The following CDC42SE2 variants were observed in gnomAD, a reference collection of about 807,000 sequenced individuals.
CDC42SE2 encodes the protein CDC42 small effector protein 2.
In CDC42SE2, 3 loss-of-function variants were observed where a neutral mutation model predicts 11.5. The observed-to-expected ratio is 0.26, with a 90% confidence interval of 0.12 to 0.67. The LOEUF (loss-of-function observed/expected upper bound fraction) is 0.67, where lower values mean the gene tolerates loss of function less well. Ranked by LOEUF, CDC42SE2 falls within the 30% of genes least tolerant of loss-of-function variation. CDC42SE2 has a pLI of 0.80. For synonymous variants in CDC42SE2, 33 were observed against 34.8 expected, an observed-to-expected ratio of 0.95 and a Z score of 0.18; for missense variants, 82 against 106.8, an observed-to-expected ratio of 0.77 and a Z score of 1.02.
the CDC42SE2 span, among the ~76,000 whole-genome samples, chr5:131,228,761 A>T: frequency 6.6e-6 from 1 of 152,114 alleles, no homozygotes; most frequent in Non-Finnish European, 1.5e-5. Context: ...GACCATAAGG[A>T]TGGGTTTATA....
chr5:131,308,157 A>G (rs1757819345), intron 1 of CDC42SE2, among the ~76,000 whole-genome samples: 1 of 152,162 alleles, frequency 6.6e-6, no homozygotes, highest in Non-Finnish European at 1.5e-5. Context: ...TCAGCTTTCT[A>G]CATAAGGCTA....
intron 1 of CDC42SE2, among the ~76,000 whole-genome samples, chr5:131,283,446 T>G (rs954082492): frequency 1.4e-4 from 21 of 152,232 alleles, no homozygotes; most frequent in African/African-American, 5.1e-4. Context: ...TTTTTTCATT[T>G]AGCATAATGT....
At chr5:131,260,656 G>A (rs1756716766), upstream of CDC42SE2, among the ~76,000 whole-genome samples, 1 of 147,374 alleles carries the variant, frequency 6.8e-6, no homozygotes, top group Non-Finnish European at 1.5e-5. Flanking sequence ...TTAATAGGCC[G>A]AGTGCAGTGG....
At chr5:131,275,165 G>GT (rs368655636) in intron 1 of CDC42SE2, among the ~76,000 whole-genome samples, 85 of 152,198 alleles carry the variant, frequency 5.6e-4, no homozygotes, top group African/African-American at 1.9e-3. Context: ...ACCTGATTTG[G>GT]TAGTAGGGTG....
At chr5:131,379,163 T>C (rs923960777) in intron 3 of CDC42SE2, among the ~76,000 whole-genome samples, 7 of 152,268 alleles carry the variant, frequency 4.6e-5, no homozygotes, top group Non-Finnish European at 7.3e-5. Flanking sequence ...GCATAAATGA[T>C]TGCTATTTTA....
At chr5:131,243,451 T>C (rs1358892099), upstream of CDC42SE2, among the ~76,000 whole-genome samples, 2 of 152,084 alleles carry the variant, frequency 1.3e-5, no homozygotes, top group Non-Finnish European at 2.9e-5. Flanking sequence ...CCGGGCGTGG[T>C]GGTGGGCACC....
At chr5:131,353,641 C>T (rs1173477489) in intron 2 of CDC42SE2, among the ~76,000 whole-genome samples, 1 of 152,168 alleles carries the variant, frequency 6.6e-6, no homozygotes, top group Non-Finnish European at 1.5e-5. Context: ...CATGGTGGCT[C>T]ATGCCCGTAA....
intron 2 of CDC42SE2, among the ~76,000 whole-genome samples, chr5:131,324,065 C>A (rs2549012): frequency 0.4 from 61,433 of 152,006 alleles, 15,181 homozygotes; most frequent in Non-Finnish European, 0.57. Context: ...AAATTACTTG[C>A]AGTTCTTGTT....
chr5:131,349,825 ATG>A (rs1366361379), intron 2 of CDC42SE2, among the ~76,000 whole-genome samples: 17 of 152,224 alleles, frequency 1.1e-4, no homozygotes, highest in African/African-American at 4.1e-4. Flanking sequence ...TTTTTAAGGT[ATG>A]TGCACAAAAG....
In CDC42SE2 at chr5:131,359,424, C is replaced by A. The variant is rs1749644995; in HGVS notation, c.-70C>A. 1.9e-6 allele frequency: 2 copies of A among 1,058,986 alleles called. No individual in the cohort carries two copies. Among genetic ancestry groups the A allele is most frequent in the Non-Finnish European group, 3.0e-6 (2 of 672,812 alleles). The allele number at this position is 1,058,986 out of a possible 1,614,324, so 65.6% of individuals were successfully genotyped here. A position where few individuals can be genotyped will look rare whatever the true frequency, so the allele number is the denominator to read the frequency against. The stretch of plus-strand genomic sequence containing the variant: ...CACTGGACATCATCGTATTGAGGAG[C>A]GTATTTTTGGAACTTCCCGAGTTGA... On this transcript the variant is annotated 5_prime_UTR_variant, in exon 3 of 5. Transcript: ENST00000505065.
upstream of CDC42SE2, among the ~76,000 whole-genome samples, chr5:131,244,081 T>C (rs1285777472): frequency 6.6e-6 from 1 of 152,162 alleles, no homozygotes; most frequent in East Asian, 1.9e-4. Context: ...AAACAAAAAG[T>C]AGTACTAGAG....
chr5:131,321,726 C>G (rs993993533), intron 2 of CDC42SE2, among the ~76,000 whole-genome samples: 4 of 151,152 alleles, frequency 2.6e-5, no homozygotes, highest in South Asian at 2.1e-4. Context: ...TTCCCCCCCG[C>G]CAAAATCATC....
chr5:131,272,514 C>T (rs892849251), intron 1 of CDC42SE2, among the ~76,000 whole-genome samples: 5 of 152,090 alleles, frequency 3.3e-5, no homozygotes, highest in Non-Finnish European at 5.9e-5. Flanking sequence ...CATACTTTGC[C>T]TTTCCTACTA....
In CDC42SE2 at chr5:131,394,379, G is replaced by A. The variant is rs1750789307; in HGVS notation, c.*3288G>A. The stretch of plus-strand genomic sequence containing the variant: ...TTGACTTTAGTTAACATTGGGTTTA[G>A]CATTTCCAGTGCAGCATTATCAGTG... On this transcript the variant is annotated 3_prime_UTR_variant, in exon 5 of 5. Coordinates refer to ENST00000505065, the MANE Select transcript of CDC42SE2 (RefSeq NM_001375635.1). The A allele has an allele frequency of 6.6e-6, 1 of 152,294 alleles. No homozygotes were observed. Among genetic ancestry groups the A allele is most frequent in the Non-Finnish European group, 1.5e-5 (1 of 68,020 alleles). The allele number at this position is 152,294 out of a possible 1,614,324, so 9.4% of individuals were successfully genotyped here. A position where few individuals can be genotyped will look rare whatever the true frequency, so the allele number is the denominator to read the frequency against.
chr5:131,336,087 G>A (rs185903291), intron 2 of CDC42SE2, among the ~76,000 whole-genome samples: 1 of 139,442 alleles, frequency 7.2e-6, no homozygotes, highest in Non-Finnish European at 1.6e-5. Context: ...AATTTGGCAT[G>A]TTTTTGCAGT....
intron 2 of CDC42SE2, among the ~76,000 whole-genome samples, chr5:131,341,899 A>T (rs896263804): frequency 2.1e-5 from 3 of 141,796 alleles, no homozygotes; most frequent in South Asian, 2.2e-4. Flanking sequence ...TTGTCTCAAT[A>T]AAAAAAAAAA....
intron 1 of CDC42SE2, among the ~76,000 whole-genome samples, chr5:131,279,985 T>C (rs1757204880): frequency 6.6e-6 from 1 of 152,166 alleles, no homozygotes; most frequent in East Asian, 1.9e-4. Flanking sequence ...GGAGGTTGCT[T>C]GAGCCTAGGA....
intron 1 of CDC42SE2, among the ~76,000 whole-genome samples, chr5:131,315,599 A>T (rs1012038996): frequency 6.6e-6 from 1 of 152,188 alleles, no homozygotes; most frequent in African/African-American, 2.4e-5. Flanking sequence ...CAGTATTGCC[A>T]GATATTCTGA....
intron 2 of CDC42SE2, among the ~76,000 whole-genome samples, chr5:131,318,945 C>T (rs761671742): frequency 9.9e-5 from 15 of 151,890 alleles, no homozygotes; most frequent in Non-Finnish European, 1.3e-4. Context: ...TCTGTTGCAC[C>T]GGCTGGAGTG....
Sources: gnomAD v4.1 joint callset for allele counts (sites outside exome capture counted in the v4.1 genomes callset) on GRCh38, gnomAD v4.1.1 for gene constraint, MANE v1.5 for transcripts, NCBI Gene and HGNC (gene_info 2026-07-23, HGNC 2026-07-21) for gene names.